The following SYNE2 variants were observed in gnomAD, a reference collection of about 807,000 sequenced individuals.
The protein encoded by SYNE2 is spectrin repeat containing nuclear envelope protein 2, also known as nesprin-2.
In SYNE2, 431 loss-of-function variants were observed where a neutral mutation model predicts 856.3. The observed-to-expected ratio is 0.50, with a 90% CI of 0.47 to 0.55. The LOEUF (loss-of-function observed/expected upper bound fraction) is 0.55, where lower values mean the gene tolerates loss of function less well. Ranked by LOEUF, SYNE2 falls within the 20% of genes least tolerant of loss-of-function variation. The pLI is 0.00. For missense variants in SYNE2, 8,129 were observed against 8,023.2 expected (o/e 1.01, Z -0.50); for synonymous variants, 2,923 against 2,872.3 (o/e 1.02, Z -0.56).
At chr14:63,815,718 A>C (rs1888952606) in intron 1 of SYNE2, among the ~76,000 whole-genome samples, 8 of 151,954 alleles carry the variant, frequency 5.3e-5, no homozygotes, top group Admixed American at 5.3e-4. Flanking sequence ...TAGAGACATC[A>C]CCATAACAAC....
Position 64,209,444 on chromosome 14 carries a change from C to T in SYNE2, c.18406C>T (p.Arg6136Cys), listed in dbSNP as rs202238995. ...TCCCATCAGAATCGAGGAGACGTGG[C>T]GCCTGTGGCAGAAGTTTTTAGACGA... ...ERRMKIEETW[R>C]LWQKFLDDYS... The change falls in exon 102 of 116, where the codon CGC becomes TGC. Residue 6136 changes from arginine (R) to cysteine (C), a missense_variant. Transcript: ENST00000555002. 11 of 1,614,074 alleles carry T rather than the reference C, an allele frequency of 6.8e-6. No homozygotes were observed. The highest frequency in any genetic ancestry group is 6.7e-5 in the Admixed American group (4 of 60,004).
intron 2 of SYNE2, among the ~76,000 whole-genome samples, chr14:63,921,888 A>G (rs549238206): frequency 4.9e-4 from 75 of 152,382 alleles, no homozygotes; most frequent in Non-Finnish European, 6.2e-4. Context: ...ATTTTGAACT[A>G]TAATGAAAAG....
At position 63,990,964 on chromosome 14, in the gene SYNE2, C is replaced by T. The variant is rs1194524731; in HGVS notation, c.2495C>T (p.Ala832Val). 4 of 1,614,034 alleles carry T rather than the reference C, an allele frequency of 2.5e-6. No homozygotes were observed. The highest frequency in any genetic ancestry group is 2.2e-5 in the East Asian group (1 of 44,860). The stretch of plus-strand genomic sequence containing the variant: ...AAGATCAATGTGGTAAAACTCATTG[C>T]AGCGTTGAAGAACTTAACTGACGTT... Reference protein sequence around the residue: ...KVQINVVKLIAALKNLTDVSP... With the variant: ...KVQINVVKLIVALKNLTDVSP... Residue 832 changes from alanine to valine, a missense_variant, in exon 21 of 116, where the codon GCA (alanine) becomes GTA (valine). This residue lies in a region of SYNE2 where 2,422 missense variants were observed against 2,357.4 expected (regional missense o/e 1.03). Coordinates refer to ENST00000555002, the MANE Select transcript of SYNE2 (RefSeq NM_182914.3).
chr14:63,867,785 A>G (rs1352438522), intron 1 of SYNE2, among the ~76,000 whole-genome samples: 3 of 150,708 alleles, frequency 2.0e-5, no homozygotes, highest in Non-Finnish European at 4.4e-5. Context: ...CAGCCAGCCA[A>G]GGTGGTTCAT....
chr14:64,078,599 T>C lies in SYNE2; in HGVS notation c.11156T>C (p.Ile3719Thr). The C allele has an allele frequency of 6.2e-7, 1 of 1,613,872 alleles. No individual in the cohort carries two copies. The highest frequency in any genetic ancestry group is 8.5e-7 in the Non-Finnish European group (1 of 1,179,910). ...KSKNIEKAQE[I>T]QKKMWDELDL... ...AAAAATATTGAGAAAGCTCAAGAAA[T>C]TCAAAAGGTAAAATCCTCCTTTAAC... The change falls in exon 55 of 116, where the codon ATT becomes ACT. Residue 3719 changes from isoleucine to threonine, a missense_variant. This residue lies in a region of SYNE2 where 5,410 missense variants were observed against 5,284.8 expected (regional missense o/e 1.02). Transcript: ENST00000555002.
chr14:64,021,280 AC>A, intron 35 of SYNE2, 34 bp from the exon 36 acceptor site: 1 of 1,519,082 alleles, frequency 6.6e-7, no homozygotes, highest in African/African-American at 1.4e-5. Context: ...TTAAATAATG[AC>A]TGTTATACAA....
At position 64,052,666 on chromosome 14, in the gene SYNE2, A is replaced by G; in HGVS notation, c.8753A>G (p.Lys2918Arg). 6.2e-7 allele frequency: 1 copy of G among 1,613,964 alleles called. No individual in the cohort carries two copies. Among genetic ancestry groups the G allele is most frequent in the South Asian group, 1.1e-5 (1 of 91,034 alleles). Reference sequence around the variant, plus strand: ...AGATTATTTCTGGAAGATCAGTTGAAAAATCTTAAGATTAGGACCAACAGA... The same window carrying G: ...AGATTATTTCTGGAAGATCAGTTGAGAAATCTTAAGATTAGGACCAACAGA... Reference protein sequence around the residue: ...FERLFLEDQLKNLKIRTNRIQ... With the variant: ...FERLFLEDQLRNLKIRTNRIQ... The change falls in exon 48 of 116, where the codon AAA becomes AGA. Residue 2918 changes from lysine (K) to arginine (R), a missense_variant. Physicochemically the swap from Lys to Arg is conservative, Grantham distance 26 (BLOSUM62 2). Coordinates refer to ENST00000555002, the MANE Select transcript of SYNE2 (RefSeq NM_182914.3).
At chr14:64,014,660 C>G (rs529901004) in intron 32 of SYNE2, among the ~76,000 whole-genome samples, 1 of 142,154 alleles carries the variant, frequency 7.0e-6, no homozygotes, top group South Asian at 2.1e-4. Context: ...AACTCCTGAC[C>G]TTGTGATCCA....
intron 30 of SYNE2, among the ~76,000 whole-genome samples, chr14:64,006,037 C>T (rs536234045): frequency 2.0e-5 from 3 of 152,168 alleles, no homozygotes; most frequent in African/African-American, 4.8e-5. Flanking sequence ...ACTAGTGAAG[C>T]GAAGTGAAGA....
In SYNE2 at chr14:64,025,045, T is replaced by A. The variant is rs759996517; in HGVS notation, c.5960+14T>A. On this transcript the variant is annotated intron_variant, in intron 40 of 115. Coordinates refer to ENST00000555002, the MANE Select transcript of SYNE2 (RefSeq NM_182914.3). ...AGCTAGAAAGAGGTATAGCTGATCT[T>A]GTATGAAATACATTACCTGAGATTA... is the stretch of plus-strand genomic sequence containing the variant. The A allele has an allele frequency of 6.2e-7, 1 of 1,614,066 alleles. No homozygotes were observed. The highest frequency in any genetic ancestry group is 8.5e-7 in the Non-Finnish European group (1 of 1,179,950).
At chr14:64,016,724 AC>A (rs1199815589) in intron 33 of SYNE2, 93 bp downstream of exon 33, 2 of 880,448 alleles carry the variant, frequency 2.3e-6, no homozygotes, top group Non-Finnish European at 3.5e-6. Context: ...ATTCAAAAAT[AC>A]TCATTGTAAA....
chr14:63,774,399 G>A (rs1316232820), intron 1 of SYNE2, among the ~76,000 whole-genome samples: 2 of 150,864 alleles, frequency 1.3e-5, no homozygotes, highest in Admixed American at 6.6e-5. Context: ...AACCCGGGAG[G>A]TGGAGGCTGC....
chr14:63,845,925 G>T (rs1392216614), intron 1 of SYNE2, among the ~76,000 whole-genome samples: 1 of 151,366 alleles, frequency 6.6e-6, no homozygotes, highest in East Asian at 1.9e-4. Flanking sequence ...TGTATTATTA[G>T]TAAAGAGGAG....
chr14:63,917,691 A>G (rs970301164), intron 2 of SYNE2, among the ~76,000 whole-genome samples: 2 of 152,062 alleles, frequency 1.3e-5, no homozygotes, highest in South Asian at 2.1e-4. Flanking sequence ...GCTGGTCTCT[A>G]ACCCCCAACC....
At position 64,017,590 on chromosome 14, in the gene SYNE2, G is replaced by C; in HGVS notation, c.4888-5G>C. The C allele has an allele frequency of 6.2e-7, 1 of 1,606,984 alleles. No homozygotes were observed. The highest frequency in any genetic ancestry group is 8.5e-7 in the Non-Finnish European group (1 of 1,174,850). The stretch of plus-strand genomic sequence containing the variant: ...TATGTTGTTTCTCTTTTTAAATTAT[G>C]GTAGATAAATGAGAAGACAGAAGAT... On this transcript the variant is annotated splice_region_variant and splice_polypyrimidine_tract_variant and intron_variant, in intron 33 of 115. Transcript: ENST00000555002.
At chr14:64,029,240 G>A (rs1415158324) in intron 43 of SYNE2, among the ~76,000 whole-genome samples, 1 of 152,220 alleles carries the variant, frequency 6.6e-6, no homozygotes, top group East Asian at 1.9e-4. Flanking sequence ...CAGATTCCAT[G>A]TAAACATTGC....
At chr14:64,014,305 A>G (rs942538252) in intron 32 of SYNE2, among the ~76,000 whole-genome samples, 1 of 152,326 alleles carries the variant, frequency 6.6e-6, no homozygotes, top group East Asian at 1.9e-4. Flanking sequence ...ATTTTGGACT[A>G]TTATGAATAA....
In SYNE2 at chr14:63,877,692, G is replaced by A. The variant is rs74943668; in HGVS notation, c.-52+24549G>A. Among the ~76,000 whole-genome samples the A allele has an allele frequency of 4.8e-3, 730 of 152,322 alleles. 7 individuals carry two copies. The highest frequency in any genetic ancestry group is 0.016 in the African/African-American group (679 of 41,572). ...GTGGAGCTTGATATTTAACAGTGGA[G>A]TTGGGGATCAAAGCGGCGTTATCTT... On this transcript the variant is annotated intron_variant, in intron 1 of 115. Transcript: ENST00000555002.
At position 64,218,544 on chromosome 14, in the gene SYNE2, G is replaced by A. The variant is rs758850971; in HGVS notation, c.19657+32G>A. ...CCTGTAACTGGCAGTCGTCCAGAGA[G>A]GCAGAGTATGGTATTTAAGTCCTTG... is the stretch of plus-strand genomic sequence containing the variant. On this transcript the variant is annotated intron_variant, in intron 109 of 115. Coordinates refer to ENST00000555002, the MANE Select transcript of SYNE2 (RefSeq NM_182914.3). The A allele has an allele frequency of 2.5e-6, 4 of 1,598,354 alleles. No individual in the cohort carries two copies. In the African/African-American group the frequency reaches 5.4e-5, roughly 21 times the overall value.
Sources: gnomAD v4.1 joint callset for allele counts (sites outside exome capture counted in the v4.1 genomes callset) on GRCh38, gnomAD v4.1.1 for gene constraint, gnomAD v4.1.1 regional missense constraint, MANE v1.5 for transcripts, NCBI Gene and HGNC (gene_info 2026-07-23, HGNC 2026-07-21) for gene names.